Variants in SEM1 observed in about 807,000 individuals in gnomAD.
SEM1 encodes SEM1 26S proteasome subunit.
Under a neutral mutation model 12.7 loss-of-function variants are expected in SEM1, and 3 were observed. That is an observed-to-expected ratio of 0.24 (90% CI 0.11 to 0.61). The LOEUF (loss-of-function observed/expected upper bound fraction) is 0.61. SEM1 is among the 20% of genes least tolerant of loss of function. SEM1 has a pLI of 0.88. For missense variants in SEM1, 59 were observed against 81.3 expected (o/e 0.73, Z 1.06); for synonymous variants, 30 against 27.8 (o/e 1.08, Z -0.25).
chr7:96,588,341 T>A lies in SEM1; in HGVS notation c.171-81643A>T, dbSNP rs536907697. ...CAGCCTGTGCAACAGAGCAAGATCA[T>A]GTCTAAAAACAAACACACACACACA... is the stretch of plus-strand genomic sequence containing the variant. On this transcript the variant is annotated intron_variant and NMD_transcript_variant, in intron 2 of 3. Coordinates refer to the SEM1 transcript ENST00000466986. Among the ~76,000 whole-genome samples the A allele has an allele frequency of 2.7e-4, 35 of 127,850 alleles. No homozygotes were observed. The South Asian group carries it at 8.3e-3, about 30-fold the overall frequency. The allele number at this position is 127,850 out of a possible 152,430, so 83.9% of individuals were successfully genotyped here. A position where few individuals can be genotyped will look rare whatever the true frequency, so the allele number is the denominator to read the frequency against.
At chr7:96,562,347 G>C (rs1285803860) in intron 2 of SEM1, among the ~76,000 whole-genome samples, 1 of 152,098 alleles carries the variant, frequency 6.6e-6, no homozygotes, top group Non-Finnish European at 1.5e-5. Context: ...AATATTTTGT[G>C]ACTGTCTAAT....
intron 2 of SEM1, among the ~76,000 whole-genome samples, chr7:96,679,060 A>G (rs749336418): frequency 3.9e-5 from 6 of 152,082 alleles, no homozygotes; most frequent in Non-Finnish European, 8.8e-5. Context: ...ATATAAATCA[A>G]TAGCTTTAAT....
chr7:96,679,874 T>C (rs1189066344), intron 2 of SEM1, among the ~76,000 whole-genome samples: 1 of 152,112 alleles, frequency 6.6e-6, no homozygotes, highest in Non-Finnish European at 1.5e-5. Context: ...ACACACCAAG[T>C]GATGTAGCAG....
At chr7:96,632,087 C>T (rs775951057) in intron 2 of SEM1, among the ~76,000 whole-genome samples, 73 of 152,224 alleles carry the variant, frequency 4.8e-4, no homozygotes, top group African/African-American at 1.7e-3. Context: ...GAAATAGGAA[C>T]GCTTTTACAC....
intron 2 of SEM1, among the ~76,000 whole-genome samples, chr7:96,570,544 A>G (rs1805988608): frequency 6.6e-6 from 1 of 152,194 alleles, no homozygotes; most frequent in Non-Finnish European, 1.5e-5. Flanking sequence ...TTATGGCTAC[A>G]TAGTATTCCA....
intron 2 of SEM1, among the ~76,000 whole-genome samples, chr7:96,571,543 G>C (rs1319282152): frequency 6.6e-6 from 1 of 151,304 alleles, no homozygotes; most frequent in Non-Finnish European, 1.5e-5. Flanking sequence ...TGAGGCATCT[G>C]TTCTGTGTGT....
In SEM1 at chr7:96,486,413, G is replaced by A. The variant is rs1435764317; in HGVS notation, c.17C>T (p.Ser6Phe). 2.0e-6 allele frequency: 3 copies of A among 1,536,828 alleles called. No individual in the cohort carries two copies. The Admixed American group carries it at 5.9e-5, about 30-fold the overall frequency. Residue 6 changes from serine to phenylalanine, a missense_variant, in exon 2 of 4, where the codon TCC (serine) becomes TTC (phenylalanine). By Grantham distance (155) the Ser-to-Phe change is radical (BLOSUM62 -2). Transcript: ENST00000356686. The stretch of plus-strand genomic sequence containing the variant: ...TACAGCAAACACAGCACAAATGTTG[G>A]AGTCCTATAAGGGAAGTTGAAGGTA...
downstream of SEM1, chr7:96,622,383 A>G (rs563769049): frequency 5.9e-6 from 3 of 511,666 alleles, no homozygotes; most frequent in East Asian, 5.9e-5. Context: ...ACACAGAATG[A>G]TGAGAAAAAT....
intron 2 of SEM1, among the ~76,000 whole-genome samples, chr7:96,508,778 A>T (rs1803835461): frequency 6.6e-6 from 1 of 152,112 alleles, no homozygotes. Flanking sequence ...TCCAAATACT[A>T]CAAGATATAA....
At chr7:96,641,199 A>G (rs1808581941) in intron 2 of SEM1, among the ~76,000 whole-genome samples, 1 of 151,784 alleles carries the variant, frequency 6.6e-6, no homozygotes, top group Non-Finnish European at 1.5e-5. Flanking sequence ...ATCAAACACT[A>G]TATTTACTTT....
downstream of SEM1, among the ~76,000 whole-genome samples, chr7:96,670,526 T>C (rs1426137627): frequency 1.3e-5 from 2 of 152,134 alleles, no homozygotes; most frequent in Non-Finnish European, 2.9e-5. Context: ...GCCAGGGAGA[T>C]GGAGGGTGGT....
Position 96,694,903 on chromosome 7 carries a change from A to C in SEM1, c.77-12T>G. 1 of 1,564,546 alleles carries C rather than the reference A, an allele frequency of 6.4e-7. No individual in the cohort carries two copies. ...TAAGCCAGCCCAGTCTAAAAATAGA[A>C]ACAGATGCTGTCTAAATATTTCTCA... On this transcript the variant is annotated splice_polypyrimidine_tract_variant and intron_variant, in intron 1 of 2. Coordinates refer to ENST00000248566, the MANE Select transcript of SEM1 (RefSeq NM_006304.2).
intron 2 of SEM1, among the ~76,000 whole-genome samples, chr7:96,633,420 T>C (rs1808333601): frequency 6.6e-6 from 1 of 152,142 alleles, no homozygotes; most frequent in South Asian, 2.1e-4. Flanking sequence ...ATTTAAACCT[T>C]CTTTTAATCT....
Position 96,549,987 on chromosome 7 carries a change from C to T in SEM1, c.171-43289G>A, listed in dbSNP as rs141007306. ...GCCATGAAGTTACTGTCATGGTGGT[C>T]AGTGGTCACTATTTAAAGAACATGG... is the stretch of plus-strand genomic sequence containing the variant. On this transcript the variant is annotated intron_variant and NMD_transcript_variant, in intron 2 of 3. Coordinates refer to the SEM1 transcript ENST00000466986. Among the ~76,000 whole-genome samples the T allele has an allele frequency of 5.4e-3, 826 of 152,026 alleles. 3 individuals carry two copies. Among genetic ancestry groups the T allele is most frequent in the Middle Eastern group, 0.014 (4 of 294 alleles).
chr7:96,554,819 C>T (rs1420943152), intron 2 of SEM1, among the ~76,000 whole-genome samples: 1 of 151,702 alleles, frequency 6.6e-6, no homozygotes, highest in African/African-American at 2.4e-5. Context: ...GTGAATCTAT[C>T]TGGTCCTAGA....
At chr7:96,574,163 G>T (rs6964137) in intron 2 of SEM1, among the ~76,000 whole-genome samples, 4 of 151,882 alleles carry the variant, frequency 2.6e-5, no homozygotes, top group Non-Finnish European at 5.9e-5. Flanking sequence ...TCAATTCCCA[G>T]CTATGAGTGA....
At chr7:96,609,060 G>A (rs1167771973) in intron 2 of SEM1, among the ~76,000 whole-genome samples, 1 of 152,134 alleles carries the variant, frequency 6.6e-6, no homozygotes, top group Non-Finnish European at 1.5e-5. Flanking sequence ...ATTCCTATAA[G>A]CAATATGTGA....
rs1323821584 is a variant in SEM1, at chr7:96,640,691, C to T, written c.171-18048G>A. 6.6e-6 allele frequency among the ~76,000 whole-genome samples: 1 copy of T among 151,822 alleles called. No individual in the cohort carries two copies. The highest frequency in any genetic ancestry group is 2.4e-5 in the African/African-American group (1 of 41,344). On this transcript the variant is annotated intron_variant, in intron 2 of 2. Transcript: ENST00000417009. This position sits in a 1 kb window ranked among gnomAD's most constrained non-coding sequence, Gnocchi z 4.0. ...CTCCAAACTCACGGAATGTAGGGCA[C>T]CAGGAGTGAACCCTAATGGAAACTA...
chr7:96,542,283 G>A (rs1300262466), intron 2 of SEM1, among the ~76,000 whole-genome samples: 1 of 151,820 alleles, frequency 6.6e-6, no homozygotes, highest in Non-Finnish European at 1.5e-5. Context: ...CCATTTAGCA[G>A]TGTTTTGTAG....
Sources: allele counts gnomAD v4.1 joint callset (sites outside exome capture counted in the v4.1 genomes callset), GRCh38; gene constraint gnomAD v4.1.1; non-coding constraint Gnocchi (gnomAD v3.1); transcripts MANE v1.5; gene names NCBI Gene and HGNC (gene_info 2026-07-23, HGNC 2026-07-21).